The following VPS39 variants were observed in gnomAD, a reference collection of about 807,000 sequenced individuals.
The protein encoded by VPS39 is vam6/Vps39-like protein.
A neutral mutation model predicts 121.0 loss-of-function variants in VPS39; 70 were observed. That is an observed-to-expected ratio of 0.58 (90% confidence interval 0.48 to 0.71). The LOEUF (loss-of-function observed/expected upper bound fraction) is 0.71. Ranked by LOEUF, VPS39 falls within the 30% of genes least tolerant of loss-of-function variation. The pLI is 0.00. For synonymous variants in VPS39, 378 were observed against 398.1 expected (o/e 0.95, Z 0.60); for missense variants, 818 against 1,051.5 (o/e 0.78, Z 3.07).
At chr15:42,202,411 G>C (rs181902774) in intron 1 of VPS39, among the ~76,000 whole-genome samples, 4 of 152,144 alleles carry the variant, frequency 2.6e-5, no homozygotes, top group Admixed American at 6.5e-5. Flanking sequence ...AAAAATAAAA[G>C]AATTCATTTT....
In VPS39 at chr15:42,208,165, G is replaced by C. The variant is rs368934417; in HGVS notation, c.-12C>G. ...AAAGCGTCGTGCATGGCGGCAAGGGGAGAGTTGCCACCGCCGTCTCGCCCA... is the reference window on the plus strand; with the variant it reads ...AAAGCGTCGTGCATGGCGGCAAGGGCAGAGTTGCCACCGCCGTCTCGCCCA... On this transcript the variant is annotated 5_prime_UTR_variant, in exon 1 of 25. Transcript: ENST00000318006. The C allele has an allele frequency of 4.0e-5, 62 of 1,565,194 alleles. No homozygotes were observed. The highest frequency in any genetic ancestry group is 5.7e-5 in the Admixed American group (3 of 53,078).
Position 42,162,049 on chromosome 15 carries a change from G to A in VPS39, c.2443C>T (p.His815Tyr), listed in dbSNP as rs773731920. The A allele has an allele frequency of 6.2e-7, 1 of 1,614,214 alleles. No individual in the cohort carries two copies. The highest frequency in any genetic ancestry group is 1.1e-5 in the South Asian group (1 of 91,086). Residue 815 changes from histidine to tyrosine, a missense_variant, in exon 23 of 25, where the codon CAT becomes TAT. Coordinates refer to ENST00000318006, the MANE Select transcript of VPS39 (RefSeq NM_015289.5). ...RFNQVLKNLL[H>Y]AEFLRVQEER... ...ATACCTACCCTCAGGAATTCTGCAT[G>A]GAGAAGGTTCTTGAGCACTTGATTG...
chr15:42,175,165 G>T (rs557854140), intron 10 of VPS39, among the ~76,000 whole-genome samples: 1 of 152,168 alleles, frequency 6.6e-6, no homozygotes, highest in Admixed American at 6.5e-5. Flanking sequence ...TGTAATCCCA[G>T]AACTTTGGGA....
At chr15:42,197,445 T>C (rs1051210209) in intron 2 of VPS39, among the ~76,000 whole-genome samples, 6 of 150,776 alleles carry the variant, frequency 4.0e-5, no homozygotes, top group Admixed American at 6.6e-5. Flanking sequence ...CCCATCTACC[T>C]GGGAGGCTGA....
intron 12 of VPS39, among the ~76,000 whole-genome samples, chr15:42,168,504 G>A (rs1236007441): frequency 6.6e-6 from 1 of 151,906 alleles, no homozygotes; most frequent in African/African-American, 2.4e-5. Context: ...GAGGCAGGGA[G>A]TGGAAAGTGG....
intron 10 of VPS39, among the ~76,000 whole-genome samples, chr15:42,174,786 C>G (rs1332319673): frequency 1.3e-5 from 2 of 152,122 alleles, no homozygotes; most frequent in Non-Finnish European, 2.9e-5. Flanking sequence ...CCCAGCCTGG[C>G]CAACATAGTG....
At chr15:42,191,472 G>T in intron 3 of VPS39, 24 bp downstream of exon 3, 2 of 1,609,220 alleles carry the variant, frequency 1.2e-6, no homozygotes, top group Non-Finnish European at 1.7e-6. Context: ...AAATATTCTT[G>T]TAAGGACTGC....
chr15:42,176,440 A>G (rs1307696571), intron 10 of VPS39, among the ~76,000 whole-genome samples: 1 of 152,124 alleles, frequency 6.6e-6, no homozygotes, highest in African/African-American at 2.4e-5. Context: ...AAAATTTAGG[A>G]TAATGATTAC....
At chr15:42,204,876 A>T (rs999809524) in intron 1 of VPS39, among the ~76,000 whole-genome samples, 2 of 152,122 alleles carry the variant, frequency 1.3e-5, no homozygotes, top group Non-Finnish European at 1.5e-5. Flanking sequence ...GTATATATAG[A>T]CATACAGATA....
At chr15:42,196,852 C>G (rs946659312) in intron 2 of VPS39, among the ~76,000 whole-genome samples, 1 of 152,068 alleles carries the variant, frequency 6.6e-6, no homozygotes, top group African/African-American at 2.4e-5. Flanking sequence ...ATAGATCATG[C>G]TAGTATAAAG....
intron 5 of VPS39, among the ~76,000 whole-genome samples, chr15:42,188,305 A>G (rs2049746992): frequency 6.6e-6 from 1 of 152,230 alleles, no homozygotes; most frequent in East Asian, 1.9e-4. Context: ...ATGCAGTGTC[A>G]ATGTAGAACA....
Position 42,165,960 on chromosome 15 carries a change from C to A in VPS39, c.1681-144G>T, listed in dbSNP as rs943788239. ...ATCTGTAGGCAGTCAGCATGTCAGA[C>A]GAGGCACAGGCCTCCTCATGCCTGT... On this transcript the variant is annotated intron_variant, in intron 16 of 24. Transcript: ENST00000318006. 6.5e-6 allele frequency: 6 copies of A among 921,050 alleles called. No homozygotes were observed. The African/African-American group carries it at 6.6e-5, about 10-fold the overall frequency. 57.1% of individuals were successfully genotyped at this position (921,050 alleles called of 1,614,324 possible). A position where few individuals can be genotyped will look rare whatever the true frequency, so the allele number is the denominator to read the frequency against.
intron 13 of VPS39, 70 bp downstream of exon 13, chr15:42,167,324 A>G (rs1350197966): frequency 3.8e-6 from 6 of 1,578,986 alleles, no homozygotes; most frequent in Non-Finnish European, 5.2e-6. Context: ...AGGGTCTAGC[A>G]CTCCCTTTTA....
intron 2 of VPS39, among the ~76,000 whole-genome samples, chr15:42,198,796 A>T (rs946996838): frequency 1.1e-4 from 16 of 152,260 alleles, no homozygotes; most frequent in Admixed American, 9.8e-4. Flanking sequence ...CATGTTACAA[A>T]GGCAGAGTTA....
chr15:42,170,016 A>G lies in VPS39; in HGVS notation c.1091-150T>C. On this transcript the variant is annotated intron_variant, in intron 11 of 24. Coordinates refer to ENST00000318006, the MANE Select transcript of VPS39 (RefSeq NM_015289.5). The stretch of plus-strand genomic sequence containing the variant: ...AGTTCATAAACATTCAACGAGCTGT[A>G]GACTTATGATTTGAGCACTTTTTAT... 3 of 955,836 alleles carry G rather than the reference A, an allele frequency of 3.1e-6. No individual in the cohort carries two copies. The Admixed American group carries it at 1.0e-4, about 32-fold the overall frequency. 59.2% of individuals were successfully genotyped at this position (955,836 alleles called of 1,614,324 possible).
At chr15:42,193,920 C>A (rs1170250111) in intron 2 of VPS39, among the ~76,000 whole-genome samples, 1 of 149,648 alleles carries the variant, frequency 6.7e-6, no homozygotes, top group Non-Finnish European at 1.5e-5. Context: ...TTCTTTCAAA[C>A]AAAAATAATA....
chr15:42,180,299 T>G (rs1167155916), intron 8 of VPS39, among the ~76,000 whole-genome samples: 1 of 152,198 alleles, frequency 6.6e-6, no homozygotes, highest in African/African-American at 2.4e-5. Flanking sequence ...TTCATTCATC[T>G]ATCCATGACC....
intron 5 of VPS39, among the ~76,000 whole-genome samples, chr15:42,188,705 C>A (rs1202347045): frequency 1.3e-5 from 2 of 152,208 alleles, no homozygotes; most frequent in Non-Finnish European, 2.9e-5. Context: ...TGCAGTGGCT[C>A]ATGCCTGTAA....
At chr15:42,207,305 T>G (rs778549216) in intron 1 of VPS39, among the ~76,000 whole-genome samples, 7 of 152,208 alleles carry the variant, frequency 4.6e-5, no homozygotes, top group Non-Finnish European at 1.0e-4. Context: ...AATGATTTCC[T>G]TGGTCTTTGG....
Sources: gnomAD v4.1 joint callset for allele counts (sites outside exome capture counted in the v4.1 genomes callset) on GRCh38, gnomAD v4.1.1 for gene constraint, MANE v1.5 for transcripts, NCBI Gene and HGNC (gene_info 2026-07-23, HGNC 2026-07-21) for gene names.